PCDHA10: variants seen among roughly 807,000 people sequenced by gnomAD.
The protein encoded by PCDHA10 is protocadherin alpha-10.
A neutral mutation model predicts 61.2 loss-of-function variants in PCDHA10; 45 were observed. The observed-to-expected ratio is 0.74, with a 90% CI of 0.58 to 0.94. The LOEUF (loss-of-function observed/expected upper bound fraction) is 0.94. Ranked by LOEUF, PCDHA10 falls within the 40% of genes least tolerant of loss-of-function variation. The pLI is 0.00. For missense variants in PCDHA10, 1,278 were observed against 1,236.2 expected (o/e 1.03, Z -0.51); for synonymous variants, 602 against 548.8 (o/e 1.10, Z -1.35).
intron 3 of PCDHA10, among the ~76,000 whole-genome samples, chr5:141,000,387 CTCTCTCTCTA>C (rs1244377903): frequency 2.3e-3 from 152 of 66,802 alleles, no homozygotes; most frequent in African/African-American, 4.6e-3. Flanking sequence ...CTCTCTCTCT[CTCTCTCTCTA>C]TATATATATA....
intron 1 of PCDHA10, among the ~76,000 whole-genome samples, chr5:140,946,879 G>A (rs246051): frequency 0.56 from 84,931 of 150,730 alleles, 24,535 homozygotes; most frequent in African/African-American, 0.69. Flanking sequence ...CAATGGGTAC[G>A]AAGTTACAAT....
intron 1 of PCDHA10, chr5:140,969,483 G>C (rs531496681): frequency 1.4e-6 from 2 of 1,462,372 alleles, no homozygotes; most frequent in African/African-American, 1.4e-5. Context: ...ATCATAATCT[G>C]CTATTTCCTC....
At chr5:140,907,181 A>T (rs1216886799) in intron 1 of PCDHA10, among the ~76,000 whole-genome samples, 3 of 152,220 alleles carry the variant, frequency 2.0e-5, no homozygotes, top group African/African-American at 7.2e-5. Context: ...GATTCAGAGC[A>T]TACACAACCT....
At chr5:140,917,876 C>CT (rs575141569) in intron 1 of PCDHA10, among the ~76,000 whole-genome samples, 41 of 147,132 alleles carry the variant, frequency 2.8e-4, no homozygotes, top group Admixed American at 1.6e-3. Context: ...TATTTGGGCT[C>CT]TTTTTTTTTT....
chr5:140,960,919 A>G (rs542740686), intron 1 of PCDHA10, among the ~76,000 whole-genome samples: 1 of 152,334 alleles, frequency 6.6e-6, no homozygotes, highest in Non-Finnish European at 1.5e-5. Flanking sequence ...CAGATAGAAA[A>G]TTGGTACTAA....
intron 1 of PCDHA10, among the ~76,000 whole-genome samples, chr5:140,905,700 A>G (rs926526227): frequency 3.9e-5 from 6 of 152,136 alleles, no homozygotes; most frequent in Non-Finnish European, 5.9e-5. Context: ...TGTGTCATTT[A>G]TGATTTCCTT....
intron 1 of PCDHA10, among the ~76,000 whole-genome samples, chr5:140,910,538 AT>A: frequency 6.6e-6 from 1 of 152,180 alleles, no homozygotes; most frequent in Non-Finnish European, 1.5e-5. Context: ...TCACAAATCT[AT>A]TTTGCAAAGT....
At chr5:140,863,178 C>A (rs1420894530) in intron 1 of PCDHA10, 10 of 736,748 alleles carry the variant, frequency 1.4e-5, no homozygotes, top group Admixed American at 1.3e-4. Context: ...TGACTGCCAC[C>A]GTCACCGTGG....
In PCDHA10 at chr5:140,987,224, A is replaced by AAT. The variant is rs1554248891; in HGVS notation, c.2536+4662_2536+4663insTA. Among the ~76,000 whole-genome samples, 91 of 152,046 alleles carry AAT rather than the reference A, an allele frequency of 6.0e-4. 1 individual carries two copies. Among genetic ancestry groups the AAT allele is most frequent in the African/African-American group, 2.0e-3 (84 of 41,424 alleles). ...GTGAGACTCCATCTCAAAAAAAAAA[A>AAT]AAATAATAAATAAAGAAAGAAAGAC... On this transcript the variant is annotated intron_variant, in intron 3 of 3. Coordinates refer to ENST00000307360, the MANE Select transcript of PCDHA10 (RefSeq NM_018901.4).
At chr5:140,943,789 T>C (rs2093567416) in intron 1 of PCDHA10, among the ~76,000 whole-genome samples, 1 of 152,228 alleles carries the variant, frequency 6.6e-6, no homozygotes, top group African/African-American at 2.4e-5. Flanking sequence ...TGGTCCTTTA[T>C]GCAAAGCAAA....
intron 3 of PCDHA10, among the ~76,000 whole-genome samples, chr5:140,992,214 C>G (rs2097499658): frequency 6.6e-6 from 1 of 152,152 alleles, no homozygotes; most frequent in Non-Finnish European, 1.5e-5. Flanking sequence ...ATAAACTACT[C>G]TCCCTTCCTG....
intron 1 of PCDHA10, chr5:140,969,441 G>T (rs1554231808): frequency 1.9e-6 from 3 of 1,543,640 alleles, no homozygotes; most frequent in Non-Finnish European, 2.6e-6. Flanking sequence ...GAGTTATCTG[G>T]TAAACTGAGT....
intron 1 of PCDHA10, chr5:140,876,262 C>A (rs1554168436): frequency 6.2e-7 from 1 of 1,614,012 alleles, no homozygotes. Context: ...AGTGATCCAA[C>A]TAAATGCTTC....
intron 1 of PCDHA10, chr5:140,968,796 C>G (rs2096270881): frequency 6.2e-7 from 1 of 1,614,220 alleles, no homozygotes; most frequent in East Asian, 2.2e-5. Context: ...GTGGCCATTA[C>G]AGTAGCTGTG....
At chr5:140,898,450 C>G (rs1276825221) in intron 1 of PCDHA10, among the ~76,000 whole-genome samples, 4 of 152,148 alleles carry the variant, frequency 2.6e-5, no homozygotes, top group Non-Finnish European at 4.4e-5. Flanking sequence ...ATAGGGAATC[C>G]TTTCCCCATT....
chr5:140,913,219 C>A (rs2076256091), intron 1 of PCDHA10, among the ~76,000 whole-genome samples: 2 of 152,122 alleles, frequency 1.3e-5, no homozygotes, highest in Non-Finnish European at 2.9e-5. Context: ...GGGTCCCAGG[C>A]TTTACTTTGC....
intron 3 of PCDHA10, among the ~76,000 whole-genome samples, chr5:140,986,303 A>G (rs2097193977): frequency 6.6e-6 from 1 of 152,166 alleles, no homozygotes; most frequent in South Asian, 2.1e-4. Context: ...CAGAGAGAGA[A>G]AATTAGCTAA....
intron 1 of PCDHA10, chr5:140,859,976 T>C (rs2046117770): frequency 6.6e-6 from 1 of 151,980 alleles, no homozygotes; most frequent in African/African-American, 2.4e-5. Context: ...GGTATACAAG[T>C]GCATTAATCT....
At chr5:140,876,671 C>A in intron 1 of PCDHA10, 1 of 1,614,212 alleles carries the variant, frequency 6.2e-7, no homozygotes, top group African/African-American at 1.3e-5. Flanking sequence ...CTGGTGTCCA[C>A]CTACAAGAAT....
Sources: gnomAD v4.1 joint callset for allele counts (sites outside exome capture counted in the v4.1 genomes callset) on GRCh38, gnomAD v4.1.1 for gene constraint, MANE v1.5 for transcripts, NCBI Gene and HGNC (gene_info 2026-07-23, HGNC 2026-07-21) for gene names.